The following EML6 variants were observed in gnomAD, a reference collection of about 807,000 sequenced individuals.
The protein encoded by EML6 is EMAP like 6, also known as echinoderm microtubule-associated protein-like 6.
In EML6, 154 loss-of-function variants were observed where a neutral mutation model predicts 240.1. The ratio of observed to expected loss-of-function variants is 0.64; its 90% CI spans 0.56 to 0.73. EML6 has a LOEUF of 0.73. Ranked by LOEUF, EML6 falls within the 30% of genes least tolerant of loss-of-function variation. The pLI is 0.00. For missense variants in EML6, 2,964 were observed against 2,474.6 expected, an observed-to-expected ratio of 1.20 and a Z score of -4.20; for synonymous variants, 1,148 against 899.0, an observed-to-expected ratio of 1.28 and a Z score of -4.95.
intron 2 of EML6, among the ~76,000 whole-genome samples, chr2:54,787,751 A>G (rs754357558): frequency 9.2e-5 from 14 of 152,150 alleles, no homozygotes; most frequent in Non-Finnish European, 1.9e-4. Flanking sequence ...ATCAGATTTT[A>G]TAGGAGGTTT....
intron 2 of EML6, among the ~76,000 whole-genome samples, chr2:54,737,550 A>G (rs1397858104): frequency 6.6e-6 from 1 of 152,000 alleles, no homozygotes; most frequent in Non-Finnish European, 1.5e-5. Context: ...CATGTGTTTT[A>G]TGTGTGTATG....
intron 37 of EML6, 107 bp from the exon 38 acceptor site, chr2:54,964,464 C>T: frequency 9.6e-7 from 1 of 1,036,458 alleles, no homozygotes; most frequent in Non-Finnish European, 1.4e-6. Flanking sequence ...CACAAGGTGG[C>T]TCTCATTGCC....
intron 28 of EML6, among the ~76,000 whole-genome samples, chr2:54,941,846 C>G (rs1199224314): frequency 1.3e-5 from 2 of 152,230 alleles, no homozygotes; most frequent in Non-Finnish European, 2.9e-5. Flanking sequence ...CCCCTTCGTT[C>G]TGCAAGAGTT....
rs1163863503 is a variant in EML6 at position 54,971,615 on chromosome 2, A to C, written c.*1520A>C. ...TTATATGCCAATTTACTAATGCCTT[A>C]CATCAATCCACTAATAGGTTGTTGG... On this transcript the variant is annotated 3_prime_UTR_variant, in exon 42 of 42. Coordinates refer to ENST00000356458, the MANE Select transcript of EML6 (RefSeq NM_001039753.4). 1 of 152,232 alleles carries C rather than the reference A, an allele frequency of 6.6e-6. No homozygotes were observed. The highest frequency in any genetic ancestry group is 2.4e-5 in the African/African-American group (1 of 41,456). 9.4% of individuals were successfully genotyped at this position (152,232 alleles called of 1,614,324 possible). A position where few individuals can be genotyped will look rare whatever the true frequency, so the allele number is the denominator to read the frequency against.
intron 2 of EML6, among the ~76,000 whole-genome samples, chr2:54,807,432 T>A (rs943782387): frequency 6.6e-6 from 1 of 152,248 alleles, no homozygotes; most frequent in Non-Finnish European, 1.5e-5. Flanking sequence ...CTTTTATGTT[T>A]ATTCTGCATT....
chr2:54,847,598 G>A lies in EML6; in HGVS notation c.1162G>A (p.Gly388Ser), dbSNP rs937190472. The A allele has an allele frequency of 4.7e-5, 73 of 1,552,108 alleles. No homozygotes were observed. Among genetic ancestry groups the A allele is most frequent in the Non-Finnish European group, 5.0e-5 (57 of 1,147,122 alleles). The part of the protein sequence containing the change: ...GSQLALGMKD[G>S]SFIVLRVRDM... ...TCAGCTGGCCCTGGGCATGAAGGAC[G>A]GCTCTTTCATTGTTCTCCGAGTCAG... Residue 388 changes from glycine to serine, a missense_variant, in exon 9 of 42, where the codon GGC (glycine) becomes AGC (serine). Gly to Ser is a moderately conservative substitution (Grantham distance 56). Coordinates refer to ENST00000356458, the MANE Select transcript of EML6 (RefSeq NM_001039753.4).
rs112969269 is a variant in EML6 at position 54,926,560 on chromosome 2, T to C, written c.3676-1753T>C. 8.1e-3 allele frequency among the ~76,000 whole-genome samples: 1,231 copies of C among 152,336 alleles called. 19 individuals carry two copies. The highest frequency in any genetic ancestry group is 0.028 in the African/African-American group (1,159 of 41,572). The stretch of plus-strand genomic sequence containing the variant: ...ATGGCTGTGCCAGGTCTTGAGGACG[T>C]TTCCTCCGTAGGCCCTGCCGGGAAC... On this transcript the variant is annotated intron_variant, in intron 26 of 41. Transcript: ENST00000356458.
At position 54,964,133 on chromosome 2, in the gene EML6, C is replaced by T. The variant is rs754098825; in HGVS notation, c.5305C>T (p.Arg1769Trp). Residue 1769 changes from arginine to tryptophan, a missense_variant, in exon 37 of 42, where the codon CGG becomes TGG. Physicochemically the swap from Arg to Trp is moderately radical, Grantham distance 101. Transcript: ENST00000356458. ...GAAAGTTTGGGGGAAAAAACGAGAC[C>T]GGAAATCTGCTATCCAAGATATCAG... Reference protein sequence around the residue: ...SLKVWGKKRDRKSAIQDIRIS... With the variant: ...SLKVWGKKRDWKSAIQDIRIS... 12 of 1,551,462 alleles carry T rather than the reference C, an allele frequency of 7.7e-6. No homozygotes were observed. Among genetic ancestry groups the T allele is most frequent in the Non-Finnish European group, 8.7e-6 (10 of 1,146,952 alleles).
intron 7 of EML6, among the ~76,000 whole-genome samples, chr2:54,839,886 T>G (rs1319720965): frequency 6.6e-6 from 1 of 152,212 alleles, no homozygotes; most frequent in Non-Finnish European, 1.5e-5. Context: ...CCTCTTAAAA[T>G]TTTTTAAAAG....
At position 54,827,704 on chromosome 2, in the gene EML6, G is replaced by A; in HGVS notation, c.664G>A (p.Val222Ile). The A allele has an allele frequency of 1.3e-6, 2 of 1,551,738 alleles. No homozygotes were observed. The highest frequency in any genetic ancestry group is 1.7e-4 in the Middle Eastern group (1 of 5,992). ...YSGALNGDIYVWKGLNLVRTI... is the reference protein window; with the variant it reads ...YSGALNGDIYIWKGLNLVRTI... ...TGGTGCTTTAAATGGTGACATCTAT[G>A]TCTGGAAAGGGCTCAATTTAGTCCG... The change falls in exon 6 of 42, where the codon GTC becomes ATC. Residue 222 changes from valine (V) to isoleucine (I), a missense_variant. By Grantham distance (29) the Val-to-Ile change is conservative (BLOSUM62 3). Transcript: ENST00000356458.
At chr2:54,791,979 T>C (rs987648810) in intron 2 of EML6, among the ~76,000 whole-genome samples, 8 of 152,230 alleles carry the variant, frequency 5.3e-5, no homozygotes, top group African/African-American at 1.4e-4. Context: ...TTCAGGCTTA[T>C]TGTAGTGTTT....
intron 2 of EML6, among the ~76,000 whole-genome samples, chr2:54,756,239 G>A (rs1667724830): frequency 6.6e-6 from 1 of 152,154 alleles, no homozygotes; most frequent in Admixed American, 6.5e-5. Flanking sequence ...TTGCTCTTCT[G>A]TCAGGATCCC....
chr2:54,952,465 G>A, intron 30 of EML6, 129 bp from the exon 31 acceptor site: 1 of 579,426 alleles, frequency 1.7e-6, no homozygotes, highest in East Asian at 2.9e-5. Context: ...GATTCTGGAA[G>A]TGAGAATTTG....
At chr2:54,853,378 A>G (rs1670195873) in intron 10 of EML6, among the ~76,000 whole-genome samples, 1 of 152,188 alleles carries the variant, frequency 6.6e-6, no homozygotes, top group Admixed American at 6.5e-5. Flanking sequence ...ATTCTGTGAC[A>G]TTCATAGAAT....
In EML6 at chr2:54,850,214, G is replaced by T. The variant is rs1298706616; in HGVS notation, c.1440G>T (p.Met480Ile). ...CAGGAGAACGATTGTTCTACAGAAT[G>T]CCATGTAAGTCATGTGGAGGCCTTG... ...DGAGERLFYR[M>I]PSGKPLTSKE... Residue 480 changes from methionine (M) to isoleucine (I), a missense_variant, in exon 10 of 42, where the codon ATG becomes ATT. Coordinates refer to ENST00000356458, the MANE Select transcript of EML6 (RefSeq NM_001039753.4). The T allele has an allele frequency of 1.3e-6, 2 of 1,550,764 alleles. No individual in the cohort carries two copies. The highest frequency in any genetic ancestry group is 2.7e-5 in the African/African-American group (2 of 73,036).
At position 54,895,020 on chromosome 2, in the gene EML6, T is replaced by C. The variant is rs986683928; in HGVS notation, c.2848T>C (p.Ser950Pro). The change falls in exon 20 of 42, where the codon TCA (serine) becomes CCA (proline). Residue 950 changes from serine (S) to proline (P), a missense_variant. Physicochemically the swap from Ser to Pro is moderately conservative, Grantham distance 74 (BLOSUM62 -1). Coordinates refer to ENST00000356458, the MANE Select transcript of EML6 (RefSeq NM_001039753.4). ...TAAAAGATCAGCATTGTCGACTAGC[T>C]CAAAAGGTGCCACTCCCAAACATGT... ...AIKRSALSTSSKGLLLEDNPS... is the reference protein window; with the variant it reads ...AIKRSALSTSPKGLLLEDNPS... 1.3e-6 allele frequency: 2 copies of C among 1,547,986 alleles called. No individual in the cohort carries two copies. The highest frequency in any genetic ancestry group is 2.4e-5 in the South Asian group (2 of 83,998).
At chr2:54,913,739 A>G (rs531225015) in intron 25 of EML6, among the ~76,000 whole-genome samples, 2 of 152,170 alleles carry the variant, frequency 1.3e-5, no homozygotes, top group South Asian at 2.1e-4. Context: ...CCCAAGGCCA[A>G]TGTCCAGAAT....
chr2:54,928,101 C>G (rs1674653206), intron 26 of EML6, among the ~76,000 whole-genome samples: 1 of 152,158 alleles, frequency 6.6e-6, no homozygotes, highest in Non-Finnish European at 1.5e-5. Context: ...TTCATTCCCT[C>G]AAAAATATAT....
At chr2:54,871,091 C>T (rs978837382) in intron 15 of EML6, among the ~76,000 whole-genome samples, 8 of 152,122 alleles carry the variant, frequency 5.3e-5, no homozygotes, top group African/African-American at 1.2e-4. Context: ...TGGTGGGTAG[C>T]GTAACTGAGA....
Sources: allele counts gnomAD v4.1 joint callset (sites outside exome capture counted in the v4.1 genomes callset), GRCh38; gene constraint gnomAD v4.1.1; transcripts MANE v1.5; gene names NCBI Gene and HGNC (gene_info 2026-07-23, HGNC 2026-07-21).